Variants in GPM6A observed in about 807,000 individuals in gnomAD.
The protein encoded by GPM6A is neuronal membrane glycoprotein M6-a.
A neutral mutation model predicts 32.1 loss-of-function variants in GPM6A; 7 were observed. The ratio of observed to expected loss-of-function variants is 0.22; its 90% CI spans 0.12 to 0.41. The LOEUF (loss-of-function observed/expected upper bound fraction) is 0.41. Ranked by LOEUF, GPM6A falls within the 10% of genes least tolerant of loss-of-function variation. The pLI is 1.00. For missense variants in GPM6A, 235 were observed against 347.2 expected, an observed-to-expected ratio of 0.68 and a Z score of 2.57; for synonymous variants, 130 against 123.4, an observed-to-expected ratio of 1.05 and a Z score of -0.35.
chr4:175,719,729 G>T (rs547173285), intron 1 of GPM6A, among the ~76,000 whole-genome samples: 1 of 152,088 alleles, frequency 6.6e-6, no homozygotes, highest in African/African-American at 2.4e-5. Flanking sequence ...ACAAATGGCC[G>T]TACTTCAAAG....
chr4:175,756,947 G>A (rs923354029), intron 1 of GPM6A, among the ~76,000 whole-genome samples: 2 of 152,058 alleles, frequency 1.3e-5, no homozygotes, highest in Non-Finnish European at 2.9e-5. Flanking sequence ...AGGTAATGAA[G>A]GCAAATATGG....
At chr4:175,779,404 T>A (rs186408379) in intron 1 of GPM6A, among the ~76,000 whole-genome samples, 2 of 152,360 alleles carry the variant, frequency 1.3e-5, no homozygotes, top group African/African-American at 4.8e-5. Context: ...CAAAGCACGT[T>A]ATATTTCACA....
chr4:175,838,373 A>T (rs1259415574), intron 1 of GPM6A, among the ~76,000 whole-genome samples: 1 of 149,350 alleles, frequency 6.7e-6, no homozygotes, highest in Non-Finnish European at 1.5e-5. Context: ...AAGTTCAAAC[A>T]GTTTTACTGT....
intron 1 of GPM6A, among the ~76,000 whole-genome samples, chr4:175,883,637 C>A (rs1330778500): frequency 2.0e-5 from 3 of 152,068 alleles, no homozygotes; most frequent in Admixed American, 2.0e-4. Context: ...AATTGAATAT[C>A]AAAAATCATC....
chr4:175,696,607 A>G (rs73002151), intron 2 of GPM6A, among the ~76,000 whole-genome samples: 7,180 of 152,306 alleles, frequency 0.047, 204 homozygotes, highest in Non-Finnish European at 0.063. Flanking sequence ...CTCCCCAAGA[A>G]TAATCAATAA....
chr4:175,904,532 TA>T (rs752282179), intron 1 of GPM6A, among the ~76,000 whole-genome samples: 2 of 152,074 alleles, frequency 1.3e-5, no homozygotes, highest in South Asian at 4.1e-4. Context: ...GAGATTTTTC[TA>T]AAAAAATAAG....
chr4:175,799,095 G>A (rs955172832), intron 1 of GPM6A, among the ~76,000 whole-genome samples: 4 of 152,000 alleles, frequency 2.6e-5, no homozygotes, highest in African/African-American at 9.7e-5. Context: ...TTTGCAAAAT[G>A]GGAAACAACA....
Position 175,634,514 on chromosome 4 carries a change from A to T in GPM6A, c.*391T>A, listed in dbSNP as rs1007342253. On this transcript the variant is annotated 3_prime_UTR_variant, in exon 7 of 7. Coordinates refer to ENST00000393658, the MANE Select transcript of GPM6A (RefSeq NM_201591.3). ...TAAACTAGTTACCGAAATCAAAACTAAAAAGTATAAAAAGCTATTTTCTTT... is the reference window on the plus strand; with the variant it reads ...TAAACTAGTTACCGAAATCAAAACTTAAAAGTATAAAAAGCTATTTTCTTT... The T allele has an allele frequency of 6.2e-6, 1 of 162,328 alleles. No homozygotes were observed. The highest frequency in any genetic ancestry group is 6.4e-5 in the Admixed American group (1 of 15,722). 10.1% of individuals were successfully genotyped at this position (162,328 alleles called of 1,614,324 possible). A position where few individuals can be genotyped will look rare whatever the true frequency, so the allele number is the denominator to read the frequency against.
At chr4:175,784,757 A>G (rs1429265149) in intron 1 of GPM6A, among the ~76,000 whole-genome samples, 1 of 152,046 alleles carries the variant, frequency 6.6e-6, no homozygotes, top group African/African-American at 2.4e-5. Flanking sequence ...GTAATCATAT[A>G]TGAGAATGAA....
At chr4:175,945,535 T>C (rs559816394) in intron 1 of GPM6A, among the ~76,000 whole-genome samples, 65 of 151,756 alleles carry the variant, frequency 4.3e-4, no homozygotes, top group Non-Finnish European at 4.7e-4. Context: ...TATTACTTAG[T>C]TGTAAGTAAT....
intron 1 of GPM6A, among the ~76,000 whole-genome samples, chr4:175,826,473 AGTT>A (rs1337618653): frequency 6.6e-6 from 1 of 152,064 alleles, no homozygotes; most frequent in Non-Finnish European, 1.5e-5. Context: ...CATATTTCTG[AGTT>A]GTTAATATAG....
chr4:175,829,019 G>A (rs1560954591), intron 1 of GPM6A, among the ~76,000 whole-genome samples: 1 of 152,152 alleles, frequency 6.6e-6, no homozygotes, highest in African/African-American at 2.4e-5. Context: ...CACCTCCCCA[G>A]CTAAATCAAT....
In GPM6A at chr4:175,781,942, G is replaced by T. The variant is rs1378394944; in HGVS notation, c.37+30249C>A. On this transcript the variant is annotated intron_variant, in intron 1 of 6. Coordinates refer to ENST00000393658, the MANE Select transcript of GPM6A (RefSeq NM_201591.3). Reference sequence around the variant, plus strand: ...TTATAATATAACACATTTTCATAAAGATTCAAAGGTCATCTAGCACAGTGA... The same window carrying T: ...TTATAATATAACACATTTTCATAAATATTCAAAGGTCATCTAGCACAGTGA... Among the ~76,000 whole-genome samples the T allele has an allele frequency of 3.3e-5, 5 of 152,190 alleles. No individual in the cohort carries two copies. The South Asian group carries it at 8.3e-4, about 25-fold the overall frequency.
chr4:175,721,013 G>GTA (rs1234437516), intron 1 of GPM6A, among the ~76,000 whole-genome samples: 115 of 129,796 alleles, frequency 8.9e-4, no homozygotes, highest in Non-Finnish European at 1.2e-3. Context: ...AGCTTTTCTA[G>GTA]TATATATATA....
intron 1 of GPM6A, among the ~76,000 whole-genome samples, chr4:175,704,337 A>G (rs929237738): frequency 6.6e-6 from 1 of 150,596 alleles, no homozygotes; most frequent in Admixed American, 6.6e-5. Flanking sequence ...ACACACACAC[A>G]CGTGCACGTG....
At chr4:175,642,446 C>G (rs1741203101) in intron 4 of GPM6A, among the ~76,000 whole-genome samples, 1 of 152,178 alleles carries the variant, frequency 6.6e-6, no homozygotes. Flanking sequence ...CTTAAATCCT[C>G]TCAAGTCAGA....
At chr4:175,953,449 G>C (rs562712152) in intron 1 of GPM6A, among the ~76,000 whole-genome samples, 1 of 152,302 alleles carries the variant, frequency 6.6e-6, no homozygotes, top group South Asian at 2.1e-4. Context: ...ACCACAAAAA[G>C]AGTAGCCAAT....
At chr4:175,890,539 T>C (rs1737611554) in intron 1 of GPM6A, among the ~76,000 whole-genome samples, 1 of 151,318 alleles carries the variant, frequency 6.6e-6, no homozygotes, top group African/African-American at 2.4e-5. Flanking sequence ...TGTTATGCTA[T>C]GTTTTTATTT....
intron 1 of GPM6A, among the ~76,000 whole-genome samples, chr4:175,834,629 C>T (rs892652584): frequency 1.3e-5 from 2 of 151,986 alleles, no homozygotes; most frequent in African/African-American, 4.8e-5. Flanking sequence ...GTGCACTTTT[C>T]CCTTACCAAG....
Sources: allele counts gnomAD v4.1 joint callset (sites outside exome capture counted in the v4.1 genomes callset), GRCh38; gene constraint gnomAD v4.1.1; transcripts MANE v1.5; gene names NCBI Gene and HGNC (gene_info 2026-07-23, HGNC 2026-07-21).